Variants in MACF1 observed in about 807,000 individuals in gnomAD.
MACF1 encodes microtubule actin crosslinking factor 1.
In MACF1, 193 loss-of-function variants were observed where a neutral mutation model predicts 854.8. The ratio of observed to expected loss-of-function variants is 0.23; its 90% CI spans 0.20 to 0.25. MACF1 has a LOEUF of 0.25. MACF1 is among the 10% of genes least tolerant of loss of function. MACF1 has a pLI of 1.00. For synonymous variants in MACF1, 3,185 were observed against 3,226.7 expected (o/e 0.99, Z 0.44); for missense variants, 7,722 against 8,929.1 (o/e 0.86, Z 5.45).
rs202109384 is a variant in MACF1 at position 39,332,041 on chromosome 1, C to T, written c.5453C>T (p.Thr1818Met). The T allele has an allele frequency of 2.3e-5, 37 of 1,613,792 alleles. No individual in the cohort carries two copies. The East Asian group carries it at 4.0e-4, about 17-fold the overall frequency. The change falls in exon 37 of 101, where the codon ACG (threonine) becomes ATG (methionine). Residue 1818 changes from threonine (T) to methionine (M), a missense_variant. This residue lies in a region of MACF1 where 1,531 missense variants were observed against 1,601.6 expected (regional missense o/e 0.96). Coordinates refer to ENST00000564288, the MANE Select transcript of MACF1 (RefSeq NM_001394062.1). ...ACAGGAGGCATCATAGACACTGTCA[C>T]GGGGCAAAGGCTAACAATAGATGAA... ...LQTGGIIDTV[T>M]GQRLTIDEAV...
At chr1:39,189,038 C>T (rs548181342) in intron 2 of MACF1, among the ~76,000 whole-genome samples, 1 of 152,338 alleles carries the variant, frequency 6.6e-6, no homozygotes, top group African/African-American at 2.4e-5. Flanking sequence ...ATGCCCGGCC[C>T]ATTGTCAGAT....
chr1:39,236,006 G>A (rs994961517), intron 2 of MACF1, among the ~76,000 whole-genome samples: 13 of 152,134 alleles, frequency 8.5e-5, no homozygotes, highest in Admixed American at 2.0e-4. Context: ...CCAGTGTCTT[G>A]GAATTACAGG....
At chr1:39,419,185 A>G (rs1464482340) in intron 58 of MACF1, among the ~76,000 whole-genome samples, 1 of 152,240 alleles carries the variant, frequency 6.6e-6, no homozygotes, top group Non-Finnish European at 1.5e-5. Context: ...TTTATTCAAA[A>G]TAGATAATAT....
At chr1:39,463,072 C>G (rs1237390823) in intron 93 of MACF1, among the ~76,000 whole-genome samples, 1 of 152,202 alleles carries the variant, frequency 6.6e-6, no homozygotes, top group African/African-American at 2.4e-5. Context: ...GTTGTATAGT[C>G]ACTTGGGAAT....
chr1:39,449,998 T>C (rs1040877612), intron 84 of MACF1, among the ~76,000 whole-genome samples: 2 of 152,170 alleles, frequency 1.3e-5, no homozygotes, highest in African/African-American at 4.8e-5. Flanking sequence ...TAGCTGGGAC[T>C]ACAGGTGCAC....
chr1:39,363,534 T>C (rs946899526), intron 49 of MACF1, among the ~76,000 whole-genome samples: 8 of 152,132 alleles, frequency 5.3e-5, no homozygotes, highest in Non-Finnish European at 1.5e-5. Flanking sequence ...AGATCTTTGT[T>C]TTTTAAACCA....
intron 2 of MACF1, among the ~76,000 whole-genome samples, chr1:39,096,302 T>A (rs1641934947): frequency 1.3e-5 from 2 of 151,970 alleles, no homozygotes; most frequent in South Asian, 4.1e-4. Context: ...GACTTGCTTC[T>A]GAGGTCTACA....
intron 2 of MACF1, among the ~76,000 whole-genome samples, chr1:39,152,208 T>C (rs533438841): frequency 1.3e-5 from 2 of 152,168 alleles, no homozygotes; most frequent in Non-Finnish European, 2.9e-5. Context: ...CTCCTGACTT[T>C]GTGATCCGCC....
chr1:39,360,703 TTTA>T (rs1413725050), intron 47 of MACF1, 87 bp from the exon 48 acceptor site: 10 of 334,622 alleles, frequency 3.0e-5, no homozygotes, highest in Non-Finnish European at 4.7e-5. Context: ...ATTTTTATTA[TTTA>T]TTATTTAATA....
intron 2 of MACF1, among the ~76,000 whole-genome samples, chr1:39,162,357 T>C (rs1643817937): frequency 6.6e-6 from 1 of 152,204 alleles, no homozygotes; most frequent in Non-Finnish European, 1.5e-5. Context: ...TACCCCAACA[T>C]ACCTATGTAA....
intron 2 of MACF1, among the ~76,000 whole-genome samples, chr1:39,183,278 G>C (rs1644127135): frequency 6.6e-6 from 1 of 152,180 alleles, no homozygotes; most frequent in African/African-American, 2.4e-5. Context: ...AATGGTGATG[G>C]TTGAACAACT....
chr1:39,215,665 A>G (rs556001496), intron 1 of MACF1, among the ~76,000 whole-genome samples: 26 of 152,036 alleles, frequency 1.7e-4, no homozygotes, highest in Non-Finnish European at 3.1e-4. Flanking sequence ...AACTTTTTTT[A>G]TAGAGACTGA....
chr1:39,295,111 A>G lies in MACF1; in HGVS notation c.2220A>G (p.Leu740=), dbSNP rs1415225176. The G allele has an allele frequency of 5.6e-6, 9 of 1,614,136 alleles. No individual in the cohort carries two copies. Among genetic ancestry groups the G allele is most frequent in the South Asian group, 1.1e-5 (1 of 91,086 alleles). Residue 740 remains leucine (L), a synonymous_variant, in exon 19 of 101, where the codon CTA becomes CTG. Coordinates refer to ENST00000564288, the MANE Select transcript of MACF1 (RefSeq NM_001394062.1). ...VFRSLQDTAE[L]LSLENHPAKQ... ...GTTCTCTACAAGATACAGCAGAACTACTTTCACTTGAGAACCACCCAGCCA... is the reference window on the plus strand; with the variant it reads ...GTTCTCTACAAGATACAGCAGAACTGCTTTCACTTGAGAACCACCCAGCCA...
intron 80 of MACF1, among the ~76,000 whole-genome samples, chr1:39,446,509 G>C (rs1051630145): frequency 3.3e-5 from 5 of 149,350 alleles, no homozygotes; most frequent in Non-Finnish European, 5.9e-5. Context: ...TTTTTTTGGT[G>C]GGGGGTGGTT....
At chr1:39,092,204 G>A (rs762890059) in intron 2 of MACF1, among the ~76,000 whole-genome samples, 6 of 152,202 alleles carry the variant, frequency 3.9e-5, no homozygotes, top group Admixed American at 6.5e-5. Context: ...CCTTTCTTTG[G>A]CTTTCGTAGG....
rs1642921455 is a variant in MACF1, at chr1:39,410,161, G to C, written c.15817-12213G>C. On this transcript the variant is annotated intron_variant, in intron 58 of 100. Coordinates refer to ENST00000564288, the MANE Select transcript of MACF1 (RefSeq NM_001394062.1). Reference sequence around the variant, plus strand: ...GAGGGCAGATGCAATTGGTGGTTTGGGGTATGAACAGCTAAAAGGATTTAT... The same window carrying C: ...GAGGGCAGATGCAATTGGTGGTTTGCGGTATGAACAGCTAAAAGGATTTAT... The C allele has an allele frequency of 2.1e-5, 17 of 805,174 alleles. No homozygotes were observed. The East Asian group carries it at 4.6e-4, about 22-fold the overall frequency. 49.9% of individuals were successfully genotyped at this position (805,174 alleles called of 1,614,324 possible).
chr1:39,323,627 T>C (rs1243456772), intron 33 of MACF1, among the ~76,000 whole-genome samples: 1 of 152,060 alleles, frequency 6.6e-6, no homozygotes, highest in East Asian at 1.9e-4. Flanking sequence ...AATTATGTAT[T>C]TTAGACTTGT....
intron 58 of MACF1, among the ~76,000 whole-genome samples, chr1:39,396,339 A>G (rs576695056): frequency 6.6e-6 from 1 of 151,682 alleles, no homozygotes; most frequent in African/African-American, 2.4e-5. Context: ...AAAAAAAGCA[A>G]CAAACAAATA....
At chr1:39,444,941 C>G in intron 80 of MACF1, 106 bp downstream of exon 80, 1 of 966,522 alleles carries the variant, frequency 1.0e-6, no homozygotes, top group Non-Finnish European at 1.5e-6. Flanking sequence ...GGTATTGTAA[C>G]AGAAGTTGCA....
Sources: allele counts gnomAD v4.1 joint callset (sites outside exome capture counted in the v4.1 genomes callset), GRCh38; gene constraint gnomAD v4.1.1; regional missense constraint gnomAD v4.1.1; transcripts MANE v1.5; gene names NCBI Gene and HGNC (gene_info 2026-07-23, HGNC 2026-07-21).